Variants in HACD2 observed in about 807,000 individuals in gnomAD.
The protein encoded by HACD2 is very-long-chain (3R)-3-hydroxyacyl-CoA dehydratase 2.
In HACD2, 15 loss-of-function variants were observed where a neutral mutation model predicts 31.0. The observed-to-expected ratio is 0.48, with a 90% CI of 0.32 to 0.75. The LOEUF is 0.75. Among genes scored for constraint, HACD2 ranks in the 30% least tolerant of loss-of-function variants. HACD2 has a pLI of 0.03. For missense variants in HACD2, 283 were observed against 313.0 expected, an observed-to-expected ratio of 0.90 and a Z score of 0.72; for synonymous variants, 115 against 122.2, an observed-to-expected ratio of 0.94 and a Z score of 0.39.
intron 4 of HACD2, among the ~76,000 whole-genome samples, chr3:123,509,363 G>C (rs1172300923): frequency 6.6e-6 from 1 of 151,764 alleles, no homozygotes; most frequent in African/African-American, 2.4e-5. Context: ...GCAAGACCCT[G>C]TTTCTAAAAA....
At position 123,494,673 on chromosome 3, in the gene HACD2, C is replaced by A. The variant is rs947976152; in HGVS notation, c.*215G>T. Reference sequence around the variant, plus strand: ...AAGAACTTCTGGTTGAAAGAGCATGCTGAAATGAACTGGCCAGGGTGTTTT... The same window carrying A: ...AAGAACTTCTGGTTGAAAGAGCATGATGAAATGAACTGGCCAGGGTGTTTT... On this transcript the variant is annotated 3_prime_UTR_variant, in exon 7 of 7. Coordinates refer to ENST00000383657, the MANE Select transcript of HACD2 (RefSeq NM_198402.5). 1.8e-6 allele frequency: 1 copy of A among 559,050 alleles called. No homozygotes were observed. The highest frequency in any genetic ancestry group is 1.9e-5 in the African/African-American group (1 of 52,038). 34.6% of individuals were successfully genotyped at this position (559,050 alleles called of 1,614,324 possible). A position where few individuals can be genotyped will look rare whatever the true frequency, so the allele number is the denominator to read the frequency against.
At chr3:123,518,309 C>T (rs944625589) in intron 4 of HACD2, among the ~76,000 whole-genome samples, 3 of 152,236 alleles carry the variant, frequency 2.0e-5, no homozygotes, top group Middle Eastern at 3.4e-3. Flanking sequence ...TTTTGCACTA[C>T]TGAATCTGTC....
At chr3:123,513,932 C>G (rs2056099428) in intron 4 of HACD2, among the ~76,000 whole-genome samples, 1 of 152,068 alleles carries the variant, frequency 6.6e-6, no homozygotes, top group Non-Finnish European at 1.5e-5. Context: ...TAGGATGTTA[C>G]ACACAGGTTG....
chr3:123,568,467 C>A (rs1217610901), intron 2 of HACD2, among the ~76,000 whole-genome samples: 1 of 152,210 alleles, frequency 6.6e-6, no homozygotes, highest in Non-Finnish European at 1.5e-5. Flanking sequence ...TGGGGTTCAA[C>A]AGTCCTTCCT....
chr3:123,495,719 T>C (rs2055824420), intron 6 of HACD2, among the ~76,000 whole-genome samples: 1 of 152,192 alleles, frequency 6.6e-6, no homozygotes, highest in South Asian at 2.1e-4. Flanking sequence ...AATGGGATAG[T>C]ACTGCCTCCC....
At chr3:123,559,049 C>G (rs1022676738) in intron 3 of HACD2, among the ~76,000 whole-genome samples, 3 of 152,202 alleles carry the variant, frequency 2.0e-5, no homozygotes, top group African/African-American at 7.2e-5. Context: ...ATGTAGACAG[C>G]TCCAGCTTTT....
chr3:123,578,975 G>A (rs2107760826), intron 2 of HACD2, among the ~76,000 whole-genome samples: 1 of 152,226 alleles, frequency 6.6e-6, no homozygotes, highest in South Asian at 2.1e-4. Flanking sequence ...CCAGTCCAAG[G>A]GATTACTTCC....
chr3:123,509,592 G>C (rs1047662115), intron 4 of HACD2, among the ~76,000 whole-genome samples: 1 of 150,860 alleles, frequency 6.6e-6, no homozygotes, highest in Non-Finnish European at 1.5e-5. Context: ...TCCGCTTCCC[G>C]GGTTCACGCC....
At chr3:123,519,738 TAA>T (rs899959488) in intron 4 of HACD2, among the ~76,000 whole-genome samples, 1 of 152,212 alleles carries the variant, frequency 6.6e-6, no homozygotes, top group Non-Finnish European at 1.5e-5. Context: ...AAGCAGGTAA[TAA>T]GAGAGAGTTC....
intron 1 of HACD2, among the ~76,000 whole-genome samples, chr3:123,583,912 G>A (rs1314488356): frequency 6.6e-6 from 1 of 152,116 alleles, no homozygotes; most frequent in Non-Finnish European, 1.5e-5. Flanking sequence ...AAAAATGGAT[G>A]TTCACTATAC....
At chr3:123,502,289 A>ATTTTT (rs144325698) in intron 5 of HACD2, among the ~76,000 whole-genome samples, 7 of 152,142 alleles carry the variant, frequency 4.6e-5, no homozygotes, top group African/African-American at 7.2e-5. Context: ...TGGTGATGAA[A>ATTTTT]TTTTTTAAAA....
At position 123,580,610 on chromosome 3, in the gene HACD2, C is replaced by T. The variant is rs1484860135; in HGVS notation, c.273+1602G>A. ...ACCAGCCTGGGCAACACAGGGAGAC[C>T]CTGTCTCTATGAAGTTTTAAAAATT... On this transcript the variant is annotated intron_variant, in intron 2 of 6. Coordinates refer to ENST00000383657, the MANE Select transcript of HACD2 (RefSeq NM_198402.5). Among the ~76,000 whole-genome samples, 3 of 151,748 alleles carry T rather than the reference C, an allele frequency of 2.0e-5. No individual in the cohort carries two copies. In the East Asian group the frequency reaches 5.9e-4, roughly 30 times the overall value.
intron 3 of HACD2, among the ~76,000 whole-genome samples, chr3:123,540,405 C>T (rs1263441362): frequency 2.0e-5 from 3 of 152,162 alleles, no homozygotes; most frequent in African/African-American, 7.2e-5. Context: ...TGCTTGTTTA[C>T]TTTTGAGGTC....
At chr3:123,575,134 G>T (rs2056894756) in intron 2 of HACD2, among the ~76,000 whole-genome samples, 1 of 151,272 alleles carries the variant, frequency 6.6e-6, no homozygotes. Flanking sequence ...TGGAAAACAG[G>T]GTCTTGCTCT....
intron 4 of HACD2, among the ~76,000 whole-genome samples, chr3:123,527,036 T>C (rs2056293072): frequency 6.6e-6 from 1 of 152,252 alleles, no homozygotes; most frequent in East Asian, 1.9e-4. Context: ...GGCAAAGTGA[T>C]TGGATATTTC....
At chr3:123,521,568 A>G (rs111714457) in intron 4 of HACD2, among the ~76,000 whole-genome samples, 1,748 of 151,450 alleles carry the variant, frequency 0.012, 35 homozygotes, top group African/African-American at 0.04. Context: ...GGAATGGTGT[A>G]TATCAGATTT....
intron 4 of HACD2, among the ~76,000 whole-genome samples, chr3:123,527,927 T>G (rs1240480904): frequency 6.6e-6 from 1 of 152,198 alleles, no homozygotes; most frequent in Non-Finnish European, 1.5e-5. Context: ...TTGGAATGTA[T>G]TCCCCTTGGA....
rs1267638826 is a variant in HACD2, at chr3:123,492,350, C to G, written c.*2538G>C. ...ACCTCTAAGTCTGACAAAATACCCA[C>G]AAAAACATGACCTTCCTTGTTCACA... On this transcript the variant is annotated 3_prime_UTR_variant, in exon 7 of 7. Coordinates refer to ENST00000383657, the MANE Select transcript of HACD2 (RefSeq NM_198402.5). 6.6e-6 allele frequency: 1 copy of G among 152,334 alleles called. No individual in the cohort carries two copies. The highest frequency in any genetic ancestry group is 2.1e-4 in the South Asian group (1 of 4,822). 9.4% of individuals were successfully genotyped at this position (152,334 alleles called of 1,614,324 possible). A position where few individuals can be genotyped will look rare whatever the true frequency, so the allele number is the denominator to read the frequency against.
Position 123,495,434 on chromosome 3 carries a change from G to T in HACD2, c.683-464C>A, listed in dbSNP as rs566982558. ...AAGCCACAGACAGAGTTGGGACCAG[G>T]CTCTTGGCTCCTGACCCTCAGCCTA... is the stretch of plus-strand genomic sequence containing the variant. On this transcript the variant is annotated intron_variant, in intron 6 of 6. Transcript: ENST00000383657. 2.4e-4 allele frequency among the ~76,000 whole-genome samples: 37 copies of T among 152,248 alleles called. 1 individual carries two copies. The South Asian group carries it at 3.5e-3, about 15-fold the overall frequency.
Sources: allele counts gnomAD v4.1 joint callset (sites outside exome capture counted in the v4.1 genomes callset), GRCh38; gene constraint gnomAD v4.1.1; transcripts MANE v1.5; gene names NCBI Gene and HGNC (gene_info 2026-07-23, HGNC 2026-07-21).